ULK4: variants seen among roughly 807,000 people sequenced by gnomAD.
The protein encoded by ULK4 is unc-51 like kinase 4, also known as inactive serine/threonine-protein kinase ULK4.
In ULK4, 133 loss-of-function variants were observed where a neutral mutation model predicts 160.6. That is an observed-to-expected ratio of 0.83 (90% CI 0.72 to 0.96). ULK4 has a LOEUF of 0.96. Among genes scored for constraint, ULK4 ranks in the 40% least tolerant of loss-of-function variants. The pLI is 0.00. For synonymous variants in ULK4, 534 were observed against 539.8 expected, an observed-to-expected ratio of 0.99 and a Z score of 0.15; for missense variants, 1,580 against 1,499.5, an observed-to-expected ratio of 1.05 and a Z score of -0.89.
At chr3:41,304,041 TG>T (rs753804415) in intron 35 of ULK4, among the ~76,000 whole-genome samples, 2 of 151,812 alleles carry the variant, frequency 1.3e-5, no homozygotes, top group Non-Finnish European at 2.9e-5. Context: ...GAGGCCAAGG[TG>T]GGTGGATCAC....
Position 41,919,774 on chromosome 3 carries a change from A to C in ULK4, c.586T>G (p.Phe196Val), listed in dbSNP as rs374795489. ...TAPEVVRGAD[F>V]SISSDLWSLG... ...GACCAGAGGTCACTGGAGATGGAAA[A>C]GTCAGCACCCCTCACAACTTCTGGT... The change falls in exon 6 of 37, where the codon TTT (phenylalanine) becomes GTT (valine). Residue 196 changes from phenylalanine (F) to valine (V), a missense_variant. Transcript: ENST00000301831. 3.0e-5 allele frequency: 49 copies of C among 1,614,044 alleles called. No homozygotes were observed. The highest frequency in any genetic ancestry group is 4.2e-5 in the Non-Finnish European group (49 of 1,180,012).
chr3:41,587,634 G>A (rs1475355489), intron 31 of ULK4, among the ~76,000 whole-genome samples: 6 of 152,074 alleles, frequency 3.9e-5, no homozygotes, highest in African/African-American at 1.2e-4. Context: ...TTATCTACTT[G>A]ATTGTAACTA....
intron 17 of ULK4, among the ~76,000 whole-genome samples, chr3:41,839,280 G>A (rs945591060): frequency 5.9e-5 from 9 of 151,900 alleles, no homozygotes; most frequent in African/African-American, 2.2e-4. Context: ...GTGGAGGTTA[G>A]AGTGAGCTGA....
intron 35 of ULK4, among the ~76,000 whole-genome samples, chr3:41,305,237 G>A (rs949787795): frequency 2.0e-5 from 3 of 151,762 alleles, no homozygotes; most frequent in Admixed American, 1.3e-4. Flanking sequence ...CTCTCCCCAC[G>A]GTCTCCCTCT....
At position 41,329,436 on chromosome 3, in the gene ULK4, G is replaced by A. The variant is rs536390029; in HGVS notation, c.3678+68643C>T. Among the ~76,000 whole-genome samples, 4 of 152,188 alleles carry A rather than the reference G, an allele frequency of 2.6e-5. No homozygotes were observed. The East Asian group carries it at 5.8e-4, about 22-fold the overall frequency. On this transcript the variant is annotated intron_variant, in intron 35 of 36. Transcript: ENST00000301831. ...CAAAAAATGCATGCTCATTGAAAACGGCCAAATGCTTCAGTTCAATACATA... is the reference window on the plus strand; with the variant it reads ...CAAAAAATGCATGCTCATTGAAAACAGCCAAATGCTTCAGTTCAATACATA...
chr3:41,808,689 T>C (rs1559569101), intron 19 of ULK4, among the ~76,000 whole-genome samples: 1 of 152,262 alleles, frequency 6.6e-6, no homozygotes, highest in Non-Finnish European at 1.5e-5. Context: ...AGATTTAATA[T>C]ATTGTAGGCA....
intron 30 of ULK4, among the ~76,000 whole-genome samples, chr3:41,618,452 A>G (rs370065428): frequency 3.9e-5 from 6 of 152,340 alleles, no homozygotes; most frequent in East Asian, 1.9e-4. Flanking sequence ...AAGCCACAAG[A>G]GCGTGGGGGC....
chr3:41,584,966 A>G (rs76271631), intron 31 of ULK4, among the ~76,000 whole-genome samples: 416 of 152,308 alleles, frequency 2.7e-3, no homozygotes, highest in African/African-American at 9.5e-3. Context: ...AAAGACTTGT[A>G]CACAAAAAAC....
At chr3:41,495,414 C>G (rs543219597) in intron 32 of ULK4, among the ~76,000 whole-genome samples, 3,544 of 151,450 alleles carry the variant, frequency 0.023, 119 homozygotes, top group African/African-American at 0.077. Context: ...TTACACCTTA[C>G]ACAAAAATTA....
At chr3:41,698,548 T>TCAAAATCTCCAAAACATC in intron 27 of ULK4, among the ~76,000 whole-genome samples, 2 of 152,340 alleles carry the variant, frequency 1.3e-5, no homozygotes, top group South Asian at 4.1e-4. Context: ...TTCAAATATT[T>TCAAAATCTCCAAAACATC]CAAAATCTCC....
chr3:41,706,849 A>ATGTGTGTGTGTGTGTGTGTGTGTGTG (rs749756575), intron 25 of ULK4, among the ~76,000 whole-genome samples: 4 of 102,382 alleles, frequency 3.9e-5, no homozygotes, highest in African/African-American at 2.0e-4. Context: ...AAAAAAAAAT[A>ATGTGTGTGTGTGTGTGTGTGTGTGTG]TGTGTGTGTG....
intron 22 of ULK4, among the ~76,000 whole-genome samples, chr3:41,725,689 C>T (rs999101380): frequency 6.6e-6 from 1 of 152,128 alleles, no homozygotes; most frequent in Non-Finnish European, 1.5e-5. Context: ...TACTGTCTCT[C>T]TTGTTGATTT....
At chr3:41,883,093 G>C (rs910101163) in intron 17 of ULK4, among the ~76,000 whole-genome samples, 2 of 152,172 alleles carry the variant, frequency 1.3e-5, no homozygotes, top group African/African-American at 4.8e-5. Context: ...GAAATACACT[G>C]AAATTAAATT....
chr3:41,887,523 A>C (rs1340975930), intron 16 of ULK4, among the ~76,000 whole-genome samples: 1 of 152,248 alleles, frequency 6.6e-6, no homozygotes, highest in Non-Finnish European at 1.5e-5. Context: ...AACACTTGTG[A>C]AATTAGAAGC....
At chr3:41,907,440 G>A (rs9819366) in intron 12 of ULK4, among the ~76,000 whole-genome samples, 7,168 of 152,052 alleles carry the variant, frequency 0.047, 334 homozygotes, top group African/African-American at 0.12. Context: ...AGGGCTACAG[G>A]TGTGCACCAC....
chr3:41,688,868 A>G (rs1461452146), intron 27 of ULK4, among the ~76,000 whole-genome samples: 1 of 152,190 alleles, frequency 6.6e-6, no homozygotes, highest in Non-Finnish European at 1.5e-5. Flanking sequence ...TGGTAGCCAG[A>G]CTATATAAGA....
intron 35 of ULK4, among the ~76,000 whole-genome samples, chr3:41,322,403 C>A (rs745422922): frequency 2.3e-4 from 35 of 152,174 alleles, no homozygotes; most frequent in Admixed American, 2.6e-4. Flanking sequence ...GCCTTATGCC[C>A]CTCAGACAAA....
chr3:41,948,132 T>G (rs910969453), intron 2 of ULK4, among the ~76,000 whole-genome samples: 2 of 152,106 alleles, frequency 1.3e-5, no homozygotes, highest in Non-Finnish European at 2.9e-5. Flanking sequence ...GTTCCATTAG[T>G]GACTGTGACG....
intron 30 of ULK4, among the ~76,000 whole-genome samples, chr3:41,637,282 G>A (rs1482100409): frequency 6.6e-6 from 1 of 152,114 alleles, no homozygotes; most frequent in Non-Finnish European, 1.5e-5. Context: ...ATATAAGTGA[G>A]ATGATGCAGT....
Sources: gnomAD v4.1 joint callset for allele counts (sites outside exome capture counted in the v4.1 genomes callset) on GRCh38, gnomAD v4.1.1 for gene constraint, MANE v1.5 for transcripts, NCBI Gene and HGNC (gene_info 2026-07-23, HGNC 2026-07-21) for gene names.